Variants in MMUT observed in about 807,000 individuals in gnomAD.
The protein encoded by MMUT is methylmalonyl-CoA mutase, also known as methylmalonyl-CoA mutase, mitochondrial.
A neutral mutation model predicts 79.9 loss-of-function variants in MMUT; 79 were observed. The ratio of observed to expected loss-of-function variants is 0.99; its 90% CI spans 0.82 to 1.19. The LOEUF (loss-of-function observed/expected upper bound fraction) is 1.19, where lower values mean the gene tolerates loss of function less well. MMUT is among the 50% of genes most tolerant of loss of function. MMUT has a pLI of 0.00. For missense variants in MMUT, 860 were observed against 917.2 expected (o/e 0.94, Z 0.81); for synonymous variants, 273 against 295.7 (o/e 0.92, Z 0.79).
At chr6:49,437,424 T>A (rs1767160866) in intron 11 of MMUT, among the ~76,000 whole-genome samples, 1 of 151,992 alleles carries the variant, frequency 6.6e-6, no homozygotes, top group East Asian at 1.9e-4. Context: ...TAGATGGAAA[T>A]AACCTAAAAA....
Position 49,435,599 on chromosome 6 carries a change from C to A in MMUT, c.1981G>T (p.Ala661Ser). The change falls in exon 12 of 13, where the codon GCT (alanine) becomes TCT (serine). Residue 661 changes from alanine to serine, a missense_variant. Physicochemically the swap from Ala to Ser is moderately conservative, Grantham distance 99 (BLOSUM62 1). Coordinates refer to ENST00000274813, the MANE Select transcript of MMUT (RefSeq NM_000255.4). ...ACAGCATGCACATCCGCATCCACAGCCTGCTGGGCCACTTCACGAGGAGTC... is the reference window on the plus strand; with the variant it reads ...ACAGCATGCACATCCGCATCCACAGACTGCTGGGCCACTTCACGAGGAGTC... ...FQTPREVAQQ[A>S]VDADVHAVGI... 1 of 1,613,920 alleles carries A rather than the reference C, an allele frequency of 6.2e-7. No individual in the cohort carries two copies. Among genetic ancestry groups the A allele is most frequent in the Non-Finnish European group, 8.5e-7 (1 of 1,179,956 alleles).
intron 12 of MMUT, among the ~76,000 whole-genome samples, chr6:49,433,925 A>G (rs1767054414): frequency 6.6e-6 from 1 of 152,238 alleles, no homozygotes; most frequent in Admixed American, 6.5e-5. Flanking sequence ...TAGTTGTTAA[A>G]TTCATGGGAA....
intron 5 of MMUT, among the ~76,000 whole-genome samples, 181 bp from the exon 6 acceptor site, chr6:49,451,895 AGTTCAGT>A (rs1357097268): frequency 6.6e-6 from 1 of 152,254 alleles, no homozygotes; most frequent in Non-Finnish European, 1.5e-5. Flanking sequence ...GAAGAGTCAG[AGTTCAGT>A]GTTTAGTGCC....
At chr6:49,456,009 T>C (rs1441217031) in intron 4 of MMUT, 71 bp downstream of exon 4, 2 of 1,259,172 alleles carry the variant, frequency 1.6e-6, no homozygotes, top group Non-Finnish European at 1.1e-6. Flanking sequence ...TATAAATTCA[T>C]TTTATCAATA....
chr6:49,447,659 G>T lies in MMUT; in HGVS notation c.1560+11C>A. 4 of 1,372,960 alleles carry T rather than the reference G, an allele frequency of 2.9e-6. No individual in the cohort carries two copies. The highest frequency in any genetic ancestry group is 1.5e-5 in the African/African-American group (1 of 66,126). 85.0% of individuals were successfully genotyped at this position (1,372,960 alleles called of 1,614,324 possible). ...TACTTAAAAAAAAAAAAAAAAGCAA[G>T]CTATTAATACCTTCTTAAGTTTTTC... On this transcript the variant is annotated intron_variant, in intron 8 of 12. Coordinates refer to ENST00000274813, the MANE Select transcript of MMUT (RefSeq NM_000255.4).
intron 12 of MMUT, among the ~76,000 whole-genome samples, chr6:49,432,228 A>G (rs1766997541): frequency 6.6e-6 from 1 of 152,158 alleles, no homozygotes; most frequent in South Asian, 2.1e-4. Context: ...GATAAGTTTG[A>G]GCCTAAAAAA....
At chr6:49,433,797 C>A (rs1489568925) in intron 12 of MMUT, among the ~76,000 whole-genome samples, 4 of 152,058 alleles carry the variant, frequency 2.6e-5, no homozygotes, top group African/African-American at 9.7e-5. Flanking sequence ...TGAATAATAG[C>A]AACATTTTAC....
chr6:49,432,430 C>A (rs79527231), intron 12 of MMUT, among the ~76,000 whole-genome samples: 8 of 151,620 alleles, frequency 5.3e-5, no homozygotes, highest in Non-Finnish European at 1.2e-4. Flanking sequence ...CTCTGTTGCC[C>A]AGACTGGAGT....
chr6:49,447,719 G>A lies in MMUT; in HGVS notation c.1511C>T (p.Ala504Val), dbSNP rs375164316. The A allele has an allele frequency of 3.1e-6, 5 of 1,609,634 alleles. No homozygotes were observed. The African/African-American group carries it at 6.7e-5, about 22-fold the overall frequency. Reference protein sequence around the residue: ...LEKEDAVEVLAIDNTSVRNRQ... With the variant: ...LEKEDAVEVLVIDNTSVRNRQ... Reference sequence around the variant, plus strand: ...GTTTCGCACTGAAGTATTATCAATTGCCAGAACTTCTACAGCGTCTTCTTT... The same window carrying A: ...GTTTCGCACTGAAGTATTATCAATTACCAGAACTTCTACAGCGTCTTCTTT... Residue 504 changes from alanine to valine, a missense_variant, in exon 8 of 13, where the codon GCA becomes GTA. Physicochemically the swap from Ala to Val is moderately conservative, Grantham distance 64 (BLOSUM62 0). Transcript: ENST00000274813.
At chr6:49,452,457 T>G (rs978321521) in intron 5 of MMUT, among the ~76,000 whole-genome samples, 1 of 152,100 alleles carries the variant, frequency 6.6e-6, no homozygotes, top group African/African-American at 2.4e-5. Flanking sequence ...CTCAGCCTCC[T>G]GAGTAGCTGG....
At chr6:49,442,099 A>G in intron 9 of MMUT, 128 bp from the exon 10 acceptor site, 1 of 1,081,900 alleles carries the variant, frequency 9.2e-7, no homozygotes. Context: ...TAAAATAAGA[A>G]TTTTTTAATG....
In MMUT at chr6:49,459,421, G is replaced by A; in HGVS notation, c.46C>T (p.Leu16=). ...NQLFLLSPHY[L]RQVKESSGSR... is the part of the protein sequence containing the mutation. ...CCTGATGATTCTTTTACCTGCCTCAGGTAATGAGGTGAAAGTAAAAAAAGC... is the reference window on the plus strand; with the variant it reads ...CCTGATGATTCTTTTACCTGCCTCAAGTAATGAGGTGAAAGTAAAAAAAGC... Residue 16 remains leucine (L), a synonymous_variant, in exon 2 of 13, where the codon CTG becomes TTG. Transcript: ENST00000274813. 6.2e-7 allele frequency: 1 copy of A among 1,613,518 alleles called. No individual in the cohort carries two copies. The highest frequency in any genetic ancestry group is 1.1e-5 in the South Asian group (1 of 91,010).
rs1767740018 is a variant in MMUT, at chr6:49,458,066, T to C, written c.386-8A>G. On this transcript the variant is annotated splice_region_variant and splice_polypyrimidine_tract_variant and intron_variant, in intron 2 of 12. Transcript: ENST00000274813. Reference sequence around the variant, plus strand: ...ATAATCCCTGCTGACCAGCTAAATATATAAAGAAAAATAATGTAAGATTCA... The same window carrying C: ...ATAATCCCTGCTGACCAGCTAAATACATAAAGAAAAATAATGTAAGATTCA... The C allele has an allele frequency of 1.3e-6, 2 of 1,599,280 alleles. No individual in the cohort carries two copies. Among genetic ancestry groups the C allele is most frequent in the Non-Finnish European group, 1.7e-6 (2 of 1,179,456 alleles).
chr6:49,460,921 G>T (rs1179071616), intron 1 of MMUT, among the ~76,000 whole-genome samples: 3 of 152,148 alleles, frequency 2.0e-5, no homozygotes, highest in African/African-American at 7.2e-5. Flanking sequence ...TACATGAAAT[G>T]CTTCAGAAAT....
At chr6:49,448,575 C>T (rs978517444) in intron 7 of MMUT, among the ~76,000 whole-genome samples, 1 of 152,056 alleles carries the variant, frequency 6.6e-6, no homozygotes. Flanking sequence ...GACATCTACC[C>T]ACAAACATGT....
chr6:49,461,292 T>C (rs1767833842), intron 1 of MMUT, among the ~76,000 whole-genome samples: 1 of 152,158 alleles, frequency 6.6e-6, no homozygotes, highest in Admixed American at 6.5e-5. Flanking sequence ...ATTATACAGT[T>C]ATGTTTTATG....
intron 6 of MMUT, among the ~76,000 whole-genome samples, chr6:49,449,607 A>G (rs1044525772): frequency 1.3e-5 from 2 of 152,202 alleles, no homozygotes; most frequent in African/African-American, 4.8e-5. Context: ...ACTATCAAAT[A>G]CCAAATACAG....
chr6:49,456,167 A>G lies in MMUT; in HGVS notation c.824T>C (p.Leu275Pro). The G allele has an allele frequency of 1.2e-6, 2 of 1,612,064 alleles. No homozygotes were observed. Among genetic ancestry groups the G allele is most frequent in the Non-Finnish European group, 1.7e-6 (2 of 1,178,130 alleles). ...ATCTGCTAAAGTATAGGCCAGCTCC[A>G]GAATGGCATCAGCCCCTGCTTCCTG... ...HMQEAGADAI[L>P]ELAYTLADGL... The change falls in exon 4 of 13, where the codon CTG (leucine) becomes CCG (proline). Residue 275 changes from leucine to proline, a missense_variant. Leu to Pro is a moderately conservative substitution (Grantham distance 98, BLOSUM62 -3). Coordinates refer to ENST00000274813, the MANE Select transcript of MMUT (RefSeq NM_000255.4).
chr6:49,439,006 C>CAT (rs926409292), intron 11 of MMUT, among the ~76,000 whole-genome samples: 21 of 151,254 alleles, frequency 1.4e-4, no homozygotes, highest in African/African-American at 3.4e-4. Context: ...CTCCCCCTTA[C>CAT]ATATATATAT....
Sources: gnomAD v4.1 joint callset for allele counts (sites outside exome capture counted in the v4.1 genomes callset) on GRCh38, gnomAD v4.1.1 for gene constraint, MANE v1.5 for transcripts, NCBI Gene and HGNC (gene_info 2026-07-23, HGNC 2026-07-21) for gene names.